The following ECE1 variants were observed in gnomAD, a reference collection of about 807,000 sequenced individuals.
ECE1 encodes endothelin converting enzyme 1.
ECE1 carries 35 observed loss-of-function variants against 98.6 expected under a neutral mutation model. That is an observed-to-expected ratio of 0.35 (90% CI 0.27 to 0.47). The LOEUF (loss-of-function observed/expected upper bound fraction) is 0.47. Among genes scored for constraint, ECE1 ranks in the 20% least tolerant of loss-of-function variants. The probability of loss-of-function intolerance (pLI) is 1.00; values close to 1 mark genes in which losing one functional copy is unlikely to be tolerated. For missense variants in ECE1, 814 were observed against 1,025.3 expected (o/e 0.79, Z 2.81); for synonymous variants, 394 against 407.1 (o/e 0.97, Z 0.39).
At chr1:21,244,765 A>G (rs1181123768) in intron 10 of ECE1, among the ~76,000 whole-genome samples, 1 of 152,114 alleles carries the variant, frequency 6.6e-6, no homozygotes, top group Non-Finnish European at 1.5e-5. Flanking sequence ...GAGGATCATG[A>G]GTTGTTCAAG....
At chr1:21,236,711 C>G (rs774831463) in intron 12 of ECE1, 35 bp downstream of exon 12, 6 of 1,598,186 alleles carry the variant, frequency 3.8e-6, no homozygotes, top group Non-Finnish European at 5.1e-6. Context: ...TGCTGGACGC[C>G]GCAGCACCCC....
intron 3 of ECE1, among the ~76,000 whole-genome samples, chr1:21,277,833 T>C (rs1284165086): frequency 6.6e-6 from 1 of 152,246 alleles, no homozygotes; most frequent in Non-Finnish European, 1.5e-5. Context: ...CAAACCATTA[T>C]AGTTAACTAA....
intron 1 of ECE1, among the ~76,000 whole-genome samples, chr1:21,317,528 G>C (rs905626207): frequency 6.6e-6 from 1 of 152,222 alleles, no homozygotes; most frequent in African/African-American, 2.4e-5. Context: ...GAGCAATCTT[G>C]GTCCCCTGAC....
Position 21,233,503 on chromosome 1 carries a change from G to C in ECE1, c.1670+55C>G. On this transcript the variant is annotated intron_variant, in intron 14 of 18. Coordinates refer to ENST00000374893, the MANE Select transcript of ECE1 (RefSeq NM_001397.3). This position sits in a 1 kb window ranked among gnomAD's most constrained non-coding sequence, Gnocchi z 4.0. ...GCAATGAAGGCCAGTTCGTCCCAAG[G>C]CTTGCCCACAGGTGGGGAGCTGGCA... is the stretch of plus-strand genomic sequence containing the variant. The C allele has an allele frequency of 1.3e-6, 2 of 1,549,430 alleles. No homozygotes were observed. The highest frequency in any genetic ancestry group is 8.9e-7 in the Non-Finnish European group (1 of 1,124,284).
At chr1:21,267,774 T>C (rs533760048) in intron 4 of ECE1, among the ~76,000 whole-genome samples, 9 of 152,348 alleles carry the variant, frequency 5.9e-5, no homozygotes, top group Admixed American at 4.6e-4. Context: ...ATGCTGTCCA[T>C]AGATGGCTTC....
intron 1 of ECE1, among the ~76,000 whole-genome samples, chr1:21,297,842 G>T (rs1218556358): frequency 1.8e-4 from 24 of 132,556 alleles, no homozygotes; most frequent in African/African-American, 4.8e-4. Context: ...TGTTGTTGTT[G>T]TTTTTTTTTT....
chr1:21,318,527 G>A (rs1275029858), intron 1 of ECE1, among the ~76,000 whole-genome samples: 7 of 151,958 alleles, frequency 4.6e-5, no homozygotes, highest in African/African-American at 2.4e-5. Context: ...ACATTTCTCC[G>A]CTCTGGGCTT....
chr1:21,266,297 T>A (rs185438261), intron 4 of ECE1, among the ~76,000 whole-genome samples: 80 of 152,108 alleles, frequency 5.3e-4, no homozygotes, highest in Non-Finnish European at 8.4e-4. Context: ...AGTGGGACCA[T>A]CTGGCCAGGA....
At chr1:21,329,988 T>C (rs1489178385) in intron 1 of ECE1, among the ~76,000 whole-genome samples, 8 of 152,168 alleles carry the variant, frequency 5.3e-5, no homozygotes, top group Middle Eastern at 3.4e-3. Flanking sequence ...AGCCAGACTG[T>C]TCAGGTTTAA....
intron 2 of ECE1, among the ~76,000 whole-genome samples, chr1:21,288,790 A>C (rs544039787): frequency 6.6e-6 from 1 of 152,262 alleles, no homozygotes; most frequent in South Asian, 2.1e-4. Flanking sequence ...ACAGGGTTTG[A>C]CGTGTCGCTC....
Position 21,340,319 on chromosome 1 carries a change from G to A in ECE1, c.3+5057C>T, listed in dbSNP as rs1049600786. Among the ~76,000 whole-genome samples, 3 of 152,282 alleles carry A rather than the reference G, an allele frequency of 2.0e-5. No individual in the cohort carries two copies. Among genetic ancestry groups the A allele is most frequent in the Admixed American group, 6.5e-5 (1 of 15,294 alleles). ...TCTGGGACCTCTGTCTGGGGCCACA[G>A]CCTCCTTCTGTCTTCACTGACTGCT... On this transcript the variant is annotated intron_variant, in intron 1 of 18. Coordinates refer to the ECE1 transcript ENST00000415912. This position sits in a 1 kb window ranked among gnomAD's most constrained non-coding sequence, Gnocchi z 4.6.
intron 1 of ECE1, chr1:21,344,890 G>T: frequency 6.5e-6 from 1 of 153,080 alleles, no homozygotes; most frequent in Non-Finnish European, 1.5e-5. Context: ...CTCCGAATGC[G>T]CCGGGCGTGG....
intron 8 of ECE1, among the ~76,000 whole-genome samples, chr1:21,251,376 G>A (rs1472356361): frequency 2.4e-4 from 36 of 151,720 alleles, no homozygotes; most frequent in Non-Finnish European, 1.2e-4. Context: ...TTAGCCAGGC[G>A]TGGTGGTGCA....
intron 1 of ECE1, among the ~76,000 whole-genome samples, chr1:21,301,411 G>A (rs1431425144): frequency 1.3e-5 from 2 of 152,024 alleles, no homozygotes; most frequent in Non-Finnish European, 1.5e-5. Flanking sequence ...GGAGAATGGC[G>A]TGAACCCCAG....
At chr1:21,308,998 A>T (rs1004526124) in intron 1 of ECE1, among the ~76,000 whole-genome samples, 1 of 152,246 alleles carries the variant, frequency 6.6e-6, no homozygotes, top group Non-Finnish European at 1.5e-5. Flanking sequence ...TTGCAGAAAC[A>T]GCAGGGCACC....
intron 4 of ECE1, among the ~76,000 whole-genome samples, chr1:21,263,633 C>T (rs1300064317): frequency 6.6e-6 from 1 of 151,346 alleles, no homozygotes; most frequent in Non-Finnish European, 1.5e-5. Flanking sequence ...GGATTACAGG[C>T]GTGAGCCACC....
rs1222514747 is a variant in ECE1 at position 21,256,148 on chromosome 1, C to T, written c.829-10G>A. ...GATATCCGGTCAGCACCTGCAGGGC[C>T]CATACCCCAAACTGTCAGTGGCTGC... On this transcript the variant is annotated splice_polypyrimidine_tract_variant and intron_variant, in intron 7 of 18. Coordinates refer to ENST00000374893, the MANE Select transcript of ECE1 (RefSeq NM_001397.3). The T allele has an allele frequency of 6.3e-7, 1 of 1,593,894 alleles. No individual in the cohort carries two copies.
upstream of ECE1, among the ~76,000 whole-genome samples, chr1:21,291,417 G>A (rs1289836103): frequency 6.6e-6 from 1 of 152,240 alleles, no homozygotes; most frequent in Non-Finnish European, 1.5e-5. Context: ...TTAGAGGGGT[G>A]AGGGGCCTGA....
In ECE1 at chr1:21,225,847, T is replaced by C. The variant is rs2103213102; in HGVS notation, c.1850-407A>G. On this transcript the variant is annotated intron_variant, in intron 16 of 18. Transcript: ENST00000374893. The surrounding 1 kb of genome is among the most constrained non-coding windows in gnomAD (Gnocchi z 5.3). ...CTGGGATTACAGGCACATGCCGCCA[T>C]GCCTAGCTGATTTCTGTTTTTTTTT... Among the ~76,000 whole-genome samples, 1 of 151,740 alleles carries C rather than the reference T, an allele frequency of 6.6e-6. No individual in the cohort carries two copies. The highest frequency in any genetic ancestry group is 1.9e-4 in the East Asian group (1 of 5,154).
Sources: allele counts gnomAD v4.1 joint callset (sites outside exome capture counted in the v4.1 genomes callset), GRCh38; gene constraint gnomAD v4.1.1; non-coding constraint Gnocchi (gnomAD v3.1); transcripts MANE v1.5; gene names NCBI Gene and HGNC (gene_info 2026-07-23, HGNC 2026-07-21).